The following TRDN variants were observed in gnomAD, a reference collection of about 807,000 sequenced individuals.
TRDN encodes the protein triadin, also known as triadin in skeletal muscle.
In TRDN, 161 loss-of-function variants were observed where a neutral mutation model predicts 149.7. That is an observed-to-expected ratio of 1.08 (90% CI 0.95 to 1.23). The LOEUF (loss-of-function observed/expected upper bound fraction) is 1.23, where lower values mean the gene tolerates loss of function less well. Ranked by LOEUF, TRDN falls within the 50% of genes most tolerant of loss-of-function variation. The pLI, the probability that TRDN is intolerant of heterozygous loss-of-function variation, is 0.00. For synonymous variants in TRDN, 294 were observed against 250.5 expected (o/e 1.17, Z -1.64); for missense variants, 896 against 823.5 (o/e 1.09, Z -1.08).
At chr6:123,226,160 A>G (rs1185912619) in intron 38 of TRDN, among the ~76,000 whole-genome samples, 2 of 151,744 alleles carry the variant, frequency 1.3e-5, no homozygotes, top group South Asian at 4.1e-4. Context: ...CATAGGTTTA[A>G]CTCAATTAAA....
chr6:123,478,061 T>C (rs937215391), intron 9 of TRDN, among the ~76,000 whole-genome samples: 2 of 125,268 alleles, frequency 1.6e-5, no homozygotes, highest in South Asian at 2.7e-4. Flanking sequence ...AGTATAATAA[T>C]AAAAAAAAAG....
chr6:123,461,841 T>C (rs554941864), intron 10 of TRDN, among the ~76,000 whole-genome samples: 1 of 152,276 alleles, frequency 6.6e-6, no homozygotes, highest in African/African-American at 2.4e-5. Flanking sequence ...AAGATACTAT[T>C]TGATTTGAGG....
chr6:123,396,213 G>T (rs1265276899), intron 12 of TRDN, among the ~76,000 whole-genome samples: 2 of 152,102 alleles, frequency 1.3e-5, no homozygotes, highest in African/African-American at 4.8e-5. Context: ...TAATTTTTCT[G>T]TCTCCTTTTG....
intron 24 of TRDN, 107 bp downstream of exon 24, chr6:123,316,349 TG>T (rs1468249139): frequency 1.9e-6 from 2 of 1,043,234 alleles, no homozygotes; most frequent in Non-Finnish European, 2.9e-6. Flanking sequence ...TTTAATGTTT[TG>T]GATGTCTAAA....
intron 10 of TRDN, among the ~76,000 whole-genome samples, chr6:123,461,893 A>G (rs1331730008): frequency 6.6e-6 from 1 of 152,218 alleles, no homozygotes. Context: ...AAAGAAATGG[A>G]TAACTACAGT....
chr6:123,312,316 C>G (rs1778855286), intron 24 of TRDN, among the ~76,000 whole-genome samples: 1 of 151,962 alleles, frequency 6.6e-6, no homozygotes, highest in Non-Finnish European at 1.5e-5. Flanking sequence ...TCTGCCACTC[C>G]TGAGAGAGCA....
intron 11 of TRDN, 32 bp downstream of exon 11, chr6:123,438,912 T>C: frequency 6.6e-7 from 1 of 1,511,462 alleles, no homozygotes; most frequent in Non-Finnish European, 8.9e-7. Flanking sequence ...CACTAATTGA[T>C]TTATGTGGTA....
At chr6:123,353,786 T>C (rs570456572) in intron 20 of TRDN, among the ~76,000 whole-genome samples, 3 of 151,782 alleles carry the variant, frequency 2.0e-5, no homozygotes, top group East Asian at 3.9e-4. Context: ...GAAAGTAACC[T>C]ATTATTTTAC....
At chr6:123,514,455 G>C (rs1779329716) in intron 6 of TRDN, among the ~76,000 whole-genome samples, 1 of 152,112 alleles carries the variant, frequency 6.6e-6, no homozygotes, top group African/African-American at 2.4e-5. Flanking sequence ...ACAAGAAAAT[G>C]TCAGCATATC....
In TRDN at chr6:123,503,718, C is replaced by T. The variant is rs113849244; in HGVS notation, c.793+1G>A. ...GGCAGCCTCCTGCTCTGAATGTTTA[C>T]CTTTCTGTTCATGCTTTGACACAGC... On this transcript the variant is annotated splice_donor_variant, in intron 8 of 40. Coordinates refer to ENST00000334268, the MANE Select transcript of TRDN (RefSeq NM_006073.4). LOFTEE classifies it high-confidence loss of function. 6.2e-7 allele frequency: 1 copy of T among 1,613,640 alleles called. No homozygotes were observed. Among genetic ancestry groups the T allele is most frequent in the Non-Finnish European group, 8.5e-7 (1 of 1,179,778 alleles).
At chr6:123,507,832 A>G (rs537977005) in intron 7 of TRDN, among the ~76,000 whole-genome samples, 1 of 152,342 alleles carries the variant, frequency 6.6e-6, no homozygotes, top group African/African-American at 2.4e-5. Context: ...TAGCTACTGC[A>G]TCAGATTCAG....
Position 123,283,005 on chromosome 6 carries a change from A to G in TRDN, c.1511-3923T>C, listed in dbSNP as rs529283888. On this transcript the variant is annotated intron_variant, in intron 24 of 40. Transcript: ENST00000334268. ...GACATTATAAATTTTATAATGCAAA[A>G]GGAAAGAATTTTAAAACTGAAAAGA... is the stretch of plus-strand genomic sequence containing the variant. 2.8e-3 allele frequency among the ~76,000 whole-genome samples: 428 copies of G among 152,022 alleles called. 4 individuals carry two copies. The highest frequency in any genetic ancestry group is 3.9e-3 in the Non-Finnish European group (267 of 67,862).
intron 6 of TRDN, among the ~76,000 whole-genome samples, chr6:123,513,898 A>G (rs1779295973): frequency 6.6e-6 from 1 of 151,722 alleles, no homozygotes. Flanking sequence ...TAACAAAACA[A>G]AAAACTTCAG....
rs1779738063 is a variant in TRDN, at chr6:123,522,539, T to TTAC, written c.485-6334_485-6333insGTA. Among the ~76,000 whole-genome samples the TTAC allele has an allele frequency of 2.9e-5, 4 of 137,744 alleles. No individual in the cohort carries two copies. In the South Asian group the frequency reaches 9.2e-4, roughly 32 times the overall value. 90.4% of individuals were successfully genotyped at this position (137,744 alleles called of 152,430 possible). On this transcript the variant is annotated intron_variant, in intron 5 of 40. Transcript: ENST00000334268. The stretch of plus-strand genomic sequence containing the variant: ...CCTCTTTTTTTTTTTTTTTTTTTTT[T>TTAC]GCATTTTCCAAATCATCCATATTTA...
At chr6:123,628,936 TA>T (rs2114734613) in intron 1 of TRDN, among the ~76,000 whole-genome samples, 1 of 152,252 alleles carries the variant, frequency 6.6e-6, no homozygotes, top group East Asian at 1.9e-4. Context: ...CAGATGGAGG[TA>T]ACTTGCCTTT....
intron 21 of TRDN, among the ~76,000 whole-genome samples, chr6:123,346,740 G>A (rs979943012): frequency 1.3e-5 from 2 of 151,964 alleles, no homozygotes; most frequent in Non-Finnish European, 2.9e-5. Context: ...TTTGTTGAGT[G>A]TCTCTTTTCT....
At chr6:123,514,979 CA>C (rs1779352562) in intron 6 of TRDN, among the ~76,000 whole-genome samples, 1 of 151,770 alleles carries the variant, frequency 6.6e-6, no homozygotes, top group South Asian at 2.1e-4. Context: ...CTAATGCACG[CA>C]AGGCTTAAAA....
At chr6:123,464,641 A>G in intron 10 of TRDN, 4 of 1,200,730 alleles carry the variant, frequency 3.3e-6, no homozygotes, top group African/African-American at 1.5e-5. Context: ...ATTTGTCCCT[A>G]TATTTTTTTG....
At position 123,217,944 on chromosome 6, in the gene TRDN, C is replaced by T. The variant is rs1775011644; in HGVS notation, c.*657G>A. ...GTCCTAATTATCATTCAAGACATATCTTAAAGATTTATCAAGCATTTACTC... is the reference window on the plus strand; with the variant it reads ...GTCCTAATTATCATTCAAGACATATTTTAAAGATTTATCAAGCATTTACTC... On this transcript the variant is annotated 3_prime_UTR_variant, in exon 41 of 41. Coordinates refer to ENST00000334268, the MANE Select transcript of TRDN (RefSeq NM_006073.4). The T allele has an allele frequency of 2.0e-5, 3 of 152,020 alleles. No homozygotes were observed. The South Asian group carries it at 6.2e-4, about 31-fold the overall frequency. The allele number at this position is 152,020 out of a possible 1,614,324, so 9.4% of individuals were successfully genotyped here. A position where few individuals can be genotyped will look rare whatever the true frequency, so the allele number is the denominator to read the frequency against.
Sources: allele counts gnomAD v4.1 joint callset (sites outside exome capture counted in the v4.1 genomes callset), GRCh38; gene constraint gnomAD v4.1.1; transcripts MANE v1.5; gene names NCBI Gene and HGNC (gene_info 2026-07-23, HGNC 2026-07-21).